CAPN9: variants seen among roughly 807,000 people sequenced by gnomAD.
CAPN9 encodes the protein calpain 9.
In CAPN9, 81 loss-of-function variants were observed where a neutral mutation model predicts 92.8. The ratio of observed to expected loss-of-function variants is 0.87; its 90% CI spans 0.73 to 1.05. The LOEUF is 1.05. Ranked by LOEUF, CAPN9 falls within the 50% of genes least tolerant of loss-of-function variation. CAPN9 has a pLI of 0.00. For synonymous variants in CAPN9, 304 were observed against 328.0 expected, an observed-to-expected ratio of 0.93 and a Z score of 0.79; for missense variants, 848 against 866.2, an observed-to-expected ratio of 0.98 and a Z score of 0.26.
Position 230,790,371 on chromosome 1 carries a change from G to A in CAPN9, c.1657+182G>A, listed in dbSNP as rs1051469875. On this transcript the variant is annotated intron_variant, in intron 14 of 19. Coordinates refer to ENST00000271971, the MANE Select transcript of CAPN9 (RefSeq NM_006615.3). Reference sequence around the variant, plus strand: ...ATTCCAAAAACGATGCAGGTTTATAGTAGAAAATTCTTAAAAATGCAGAAA... The same window carrying A: ...ATTCCAAAAACGATGCAGGTTTATAATAGAAAATTCTTAAAAATGCAGAAA... The A allele has an allele frequency of 4.2e-6, 4 of 953,532 alleles. No individual in the cohort carries two copies. The African/African-American group carries it at 7.1e-5, about 17-fold the overall frequency. 59.1% of individuals were successfully genotyped at this position (953,532 alleles called of 1,614,324 possible). A position where few individuals can be genotyped will look rare whatever the true frequency, so the allele number is the denominator to read the frequency against.
intron 17 of CAPN9, among the ~76,000 whole-genome samples, chr1:230,794,941 C>A (rs1250142253): frequency 3.3e-5 from 5 of 152,176 alleles, no homozygotes; most frequent in Non-Finnish European, 7.3e-5. Context: ...GCCTGAGAGT[C>A]CCCCGCACAC....
intron 17 of CAPN9, among the ~76,000 whole-genome samples, chr1:230,794,565 A>G (rs533225609): frequency 1.2e-3 from 180 of 152,348 alleles, no homozygotes; most frequent in Non-Finnish European, 1.8e-3. Flanking sequence ...ACCAAAGCCC[A>G]GAGAACTGAA....
chr1:230,771,413 A>C (rs1666380152), intron 6 of CAPN9, among the ~76,000 whole-genome samples: 1 of 152,246 alleles, frequency 6.6e-6, no homozygotes. Flanking sequence ...ACACAGGCTC[A>C]AGGGTGATTG....
intron 9 of CAPN9, 124 bp from the exon 10 acceptor site, chr1:230,780,055 A>G: frequency 1.4e-6 from 1 of 705,132 alleles, no homozygotes; most frequent in South Asian, 2.0e-5. Context: ...GGTAGGACAT[A>G]TAATGAGGGC....
Position 230,798,207 on chromosome 1 carries a change from T to C in CAPN9, c.2033T>C (p.Leu678Pro). ...LSTKNKEFIHLNINEFIHLTM... is the reference protein window; with the variant it reads ...LSTKNKEFIHPNINEFIHLTM... ...ACAAAGAACAAGGAGTTCATTCATC[T>C]CAATATAAATGAGGTATGGCCAATC... The change falls in exon 19 of 20, where the codon CTC (leucine) becomes CCC (proline). Residue 678 changes from leucine (L) to proline (P), a missense_variant. Transcript: ENST00000271971. The C allele has an allele frequency of 1.2e-6, 2 of 1,611,914 alleles. No homozygotes were observed. Among genetic ancestry groups the C allele is most frequent in the Non-Finnish European group, 1.7e-6 (2 of 1,178,158 alleles).
rs1056613496 is a variant in CAPN9 at position 230,768,143 on chromosome 1, A to T, written c.705+434A>T. 5.3e-5 allele frequency among the ~76,000 whole-genome samples: 8 copies of T among 152,184 alleles called. No homozygotes were observed. In the South Asian group the frequency reaches 1.2e-3, roughly 24 times the overall value. On this transcript the variant is annotated intron_variant, in intron 5 of 19. Coordinates refer to ENST00000271971, the MANE Select transcript of CAPN9 (RefSeq NM_006615.3). ...GTGTGTGTCTGGAGTCTGAGGCAGG[A>T]GGATCCCTTGAGCCCAGGAGTTTGA... is the stretch of plus-strand genomic sequence containing the variant.
At chr1:230,748,202 G>T in intron 1 of CAPN9, among the ~76,000 whole-genome samples, 1 of 152,038 alleles carries the variant, frequency 6.6e-6, no homozygotes. Flanking sequence ...ATCTTCTCCC[G>T]AGAACCATGC....
At chr1:230,788,216 G>A (rs570825547) in intron 13 of CAPN9, among the ~76,000 whole-genome samples, 2 of 152,258 alleles carry the variant, frequency 1.3e-5, no homozygotes, top group East Asian at 3.9e-4. Context: ...AACTCTGCCT[G>A]AAAATCACTG....
intron 6 of CAPN9, among the ~76,000 whole-genome samples, chr1:230,770,162 C>T (rs1666298172): frequency 6.6e-6 from 1 of 152,188 alleles, no homozygotes; most frequent in Non-Finnish European, 1.5e-5. Flanking sequence ...GTCCCACGAT[C>T]TGCTCTCTGC....
chr1:230,762,905 G>A (rs1052300058), intron 4 of CAPN9, 119 bp downstream of exon 4: 76 of 1,085,954 alleles, frequency 7.0e-5, no homozygotes, highest in Middle Eastern at 4.7e-4. Context: ...GGTGAGGCTC[G>A]GCAGGACCCA....
At chr1:230,786,797 A>G (rs1477290535) in intron 12 of CAPN9, among the ~76,000 whole-genome samples, 1 of 152,218 alleles carries the variant, frequency 6.6e-6, no homozygotes, top group Non-Finnish European at 1.5e-5. Context: ...ATGAAAAGAA[A>G]ACCAGAGAGG....
chr1:230,799,909 A>G (rs1668569008), intron 19 of CAPN9, among the ~76,000 whole-genome samples: 1 of 152,076 alleles, frequency 6.6e-6, no homozygotes, highest in African/African-American at 2.4e-5. Flanking sequence ...CTCTTAAAAA[A>G]GAAAGGAATT....
rs1366155085 is a variant in CAPN9 at position 230,774,641 on chromosome 1, T to C, written c.953+10T>C. On this transcript the variant is annotated intron_variant, in intron 8 of 19. Coordinates refer to ENST00000271971, the MANE Select transcript of CAPN9 (RefSeq NM_006615.3). ...ATGATGGGGAATTCTGGTACCGTGC[T>C]TGTTCCTGTGTTAACTGCAGATACG... 3 of 1,609,582 alleles carry C rather than the reference T, an allele frequency of 1.9e-6. No individual in the cohort carries two copies. The African/African-American group carries it at 4.0e-5, about 22-fold the overall frequency.
At chr1:230,792,013 C>T in intron 15 of CAPN9, 85 bp downstream of exon 15, 1 of 967,346 alleles carries the variant, frequency 1.0e-6, no homozygotes, top group Admixed American at 1.9e-5. Context: ...TGCAGACTCT[C>T]CAAGAACATG....
At chr1:230,791,751 C>G in intron 14 of CAPN9, 113 bp from the exon 15 acceptor site, 1 of 732,230 alleles carries the variant, frequency 1.4e-6, no homozygotes, top group South Asian at 1.8e-5. Flanking sequence ...AGAGTAGCCA[C>G]ATCACAGCCC....
intron 1 of CAPN9, among the ~76,000 whole-genome samples, chr1:230,749,693 T>C (rs1664645616): frequency 6.6e-6 from 1 of 152,306 alleles, no homozygotes; most frequent in East Asian, 1.9e-4. Flanking sequence ...GGAAGCACTT[T>C]TTCTCTTCCT....
rs375795917 is a variant in CAPN9, at chr1:230,774,527, C to T, written c.876-27C>T. On this transcript the variant is annotated intron_variant, in intron 7 of 19. Transcript: ENST00000271971. The stretch of plus-strand genomic sequence containing the variant: ...TGTTGCTCTTCATCATGACCTCTGC[C>T]TGAACACCAATTTTGTTTACTCCTA... 163 of 1,545,378 alleles carry T rather than the reference C, an allele frequency of 1.1e-4. 2 individuals carry two copies. Among genetic ancestry groups the T allele is most frequent in the Non-Finnish European group, 1.4e-4 (158 of 1,117,448 alleles).
intron 18 of CAPN9, among the ~76,000 whole-genome samples, chr1:230,797,032 T>A (rs771524406): frequency 4.1e-4 from 62 of 152,334 alleles, no homozygotes; most frequent in Admixed American, 1.1e-3. Context: ...TAGGTTCCCA[T>A]GCACTCCACA....
chr1:230,797,771 C>T (rs1668445575), intron 18 of CAPN9, among the ~76,000 whole-genome samples: 1 of 152,160 alleles, frequency 6.6e-6, no homozygotes, highest in South Asian at 2.1e-4. Flanking sequence ...CGGCACCTTC[C>T]TACAAGGGCG....
Sources: allele counts gnomAD v4.1 joint callset (sites outside exome capture counted in the v4.1 genomes callset), GRCh38; gene constraint gnomAD v4.1.1; transcripts MANE v1.5; gene names NCBI Gene and HGNC (gene_info 2026-07-23, HGNC 2026-07-21).